TRPM3: variants seen among roughly 807,000 people sequenced by gnomAD.
The protein encoded by TRPM3 is transient receptor potential cation channel subfamily M member 3.
In TRPM3, 77 loss-of-function variants were observed where a neutral mutation model predicts 181.2. The observed-to-expected ratio is 0.42, with a 90% CI of 0.35 to 0.51. TRPM3 has a LOEUF of 0.51. Among genes scored for constraint, TRPM3 ranks in the 20% least tolerant of loss-of-function variants. The pLI, the probability that TRPM3 is intolerant of heterozygous loss-of-function variation, is 0.01. For synonymous variants in TRPM3, 745 were observed against 796.4 expected (o/e 0.94, Z 1.09); for missense variants, 1,759 against 2,196.7 (o/e 0.80, Z 3.98).
intron 1 of TRPM3, among the ~76,000 whole-genome samples, chr9:71,367,525 C>T (rs2092373813): frequency 6.6e-6 from 1 of 152,042 alleles, no homozygotes; most frequent in African/African-American, 2.4e-5. Context: ...AATAAGGTCA[C>T]GTAGCAGAAA....
intron 2 of TRPM3, among the ~76,000 whole-genome samples, chr9:70,864,051 A>G (rs902080968): frequency 1.3e-5 from 2 of 152,082 alleles, no homozygotes; most frequent in African/African-American, 4.8e-5. Context: ...TTAGTTAGGA[A>G]TCTGCTAGGA....
At chr9:70,598,695 G>T (rs777499866) in intron 20 of TRPM3, 25 bp from the exon 21 acceptor site, 8 of 1,600,918 alleles carry the variant, frequency 5.0e-6, no homozygotes, top group Non-Finnish European at 1.7e-6. Context: ...GGAGAGCAGA[G>T]TTAGGTCTGG....
intron 1 of TRPM3, among the ~76,000 whole-genome samples, chr9:71,278,788 AATG>A (rs2132174679): frequency 6.6e-6 from 1 of 152,274 alleles, no homozygotes; most frequent in South Asian, 2.1e-4. Context: ...ACAGAGGGTT[AATG>A]ATGACATATT....
intron 1 of TRPM3, among the ~76,000 whole-genome samples, chr9:71,287,073 T>C (rs2871376): frequency 0.22 from 30,810 of 141,734 alleles, 3,746 homozygotes; most frequent in African/African-American, 0.3. Context: ...ATTTATATAT[T>C]ATATATAAAT....
chr9:71,224,750 C>A, intron 1 of TRPM3, among the ~76,000 whole-genome samples: 1 of 150,258 alleles, frequency 6.7e-6, no homozygotes, highest in Non-Finnish European at 1.5e-5. Flanking sequence ...TTGAAAAATG[C>A]AACTGGAGAC....
intron 1 of TRPM3, among the ~76,000 whole-genome samples, chr9:71,014,112 T>C (rs2097766370): frequency 6.6e-6 from 1 of 152,012 alleles, no homozygotes; most frequent in African/African-American, 2.4e-5. Flanking sequence ...GATTCAGATA[T>C]ATAGTGTTTT....
At chr9:70,998,830 C>T (rs967634522) in intron 1 of TRPM3, among the ~76,000 whole-genome samples, 9 of 152,156 alleles carry the variant, frequency 5.9e-5, no homozygotes, top group Non-Finnish European at 1.2e-4. Flanking sequence ...ACTGCATTTA[C>T]GTTTATTTTG....
At position 71,186,842 on chromosome 9, in the gene TRPM3, C is replaced by T. The variant is rs562235178; in HGVS notation, c.183+259811G>A. 2.6e-5 allele frequency among the ~76,000 whole-genome samples: 4 copies of T among 152,016 alleles called. No individual in the cohort carries two copies. The South Asian group carries it at 8.3e-4, about 32-fold the overall frequency. On this transcript the variant is annotated intron_variant, in intron 1 of 24. Transcript: ENST00000357533. Reference sequence around the variant, plus strand: ...TGCTTTGTACATGAAGATGAGCTAGCAAAAAGTCTCTCGTTATGTCAACTC... The same window carrying T: ...TGCTTTGTACATGAAGATGAGCTAGTAAAAAGTCTCTCGTTATGTCAACTC...
chr9:71,073,367 G>A lies in TRPM3; in HGVS notation c.177+47811C>T, dbSNP rs569445677. Among the ~76,000 whole-genome samples the A allele has an allele frequency of 9.8e-4, 149 of 152,188 alleles. 1 individual carries two copies. Among genetic ancestry groups the A allele is most frequent in the African/African-American group, 3.3e-3 (137 of 41,524 alleles). On this transcript the variant is annotated intron_variant, in intron 1 of 25. Coordinates refer to ENST00000677713, the MANE Select transcript of TRPM3 (RefSeq NM_001366145.2). Reference sequence around the variant, plus strand: ...CCAAAAGGAAAGTAGGACATGTGACGGTTCAAACTACATAGTAAAAGGAAG... The same window carrying A: ...CCAAAAGGAAAGTAGGACATGTGACAGTTCAAACTACATAGTAAAAGGAAG...
At chr9:71,030,438 G>A (rs887539678) in intron 1 of TRPM3, among the ~76,000 whole-genome samples, 6 of 151,930 alleles carry the variant, frequency 3.9e-5, no homozygotes, top group African/African-American at 1.5e-4. Flanking sequence ...GGTGGCTGAT[G>A]CCTGTAATTC....
chr9:70,775,499 C>G (rs2081178026), intron 7 of TRPM3: 3 of 152,130 alleles, frequency 2.0e-5, no homozygotes, highest in Non-Finnish European at 4.4e-5. Context: ...TACAGTGGAT[C>G]TTGAGTCCAA....
chr9:71,027,550 G>A (rs2056726357), intron 1 of TRPM3, among the ~76,000 whole-genome samples: 1 of 152,112 alleles, frequency 6.6e-6, no homozygotes, highest in African/African-American at 2.4e-5. Flanking sequence ...TCCAATGTAA[G>A]GAAGCTAAGA....
chr9:70,538,522 A>G (rs1376809170), intron 25 of TRPM3, among the ~76,000 whole-genome samples: 1 of 152,150 alleles, frequency 6.6e-6, no homozygotes, highest in Non-Finnish European at 1.5e-5. Flanking sequence ...TCAACCTCCC[A>G]GACTCAAGCG....
intron 1 of TRPM3, among the ~76,000 whole-genome samples, chr9:70,970,599 C>T (rs532327521): frequency 6.6e-6 from 1 of 152,256 alleles, no homozygotes; most frequent in South Asian, 2.1e-4. Context: ...AGCTTCACAT[C>T]AATGTCCTGA....
chr9:70,591,088 T>C lies in TRPM3; in HGVS notation c.3166A>G (p.Ile1056Val). The change falls in exon 22 of 26, where the codon ATC becomes GTC. Residue 1056 changes from isoleucine (I) to valine (V), a missense_variant. Coordinates refer to ENST00000677713, the MANE Select transcript of TRPM3 (RefSeq NM_001366145.2). ...EEPSWKLAKN[I>V]FYMPYWMIYG... ...ATCATCCAATAGGGCATGTAGAAGA[T>C]GTTCTTGGCCAGTTTCCATGATGGC... 6.2e-7 allele frequency: 1 copy of C among 1,614,138 alleles called. No individual in the cohort carries two copies. The highest frequency in any genetic ancestry group is 8.5e-7 in the Non-Finnish European group (1 of 1,180,008).
At chr9:70,946,860 T>C (rs1415650564) in intron 1 of TRPM3, among the ~76,000 whole-genome samples, 2 of 152,208 alleles carry the variant, frequency 1.3e-5, no homozygotes, top group Non-Finnish European at 2.9e-5. Context: ...TCTTGCCTCT[T>C]CCACTCAACA....
chr9:70,993,109 C>A (rs531250058), intron 1 of TRPM3, among the ~76,000 whole-genome samples: 3 of 152,232 alleles, frequency 2.0e-5, no homozygotes, highest in South Asian at 4.2e-4. Context: ...GAGCTGGTAC[C>A]ATATTGTAGG....
At chr9:71,361,643 G>A (rs1288997322) in intron 1 of TRPM3, among the ~76,000 whole-genome samples, 1 of 152,154 alleles carries the variant, frequency 6.6e-6, no homozygotes, top group African/African-American at 2.4e-5. Context: ...GGACTAGATT[G>A]CATATTTATC....
intron 1 of TRPM3, among the ~76,000 whole-genome samples, chr9:71,266,116 A>C (rs75268000): frequency 0.011 from 1,648 of 152,288 alleles, 27 homozygotes; most frequent in East Asian, 0.075. Flanking sequence ...CCAGAATCCT[A>C]AGAAGTTTCT....
Sources: gnomAD v4.1 joint callset for allele counts (sites outside exome capture counted in the v4.1 genomes callset) on GRCh38, gnomAD v4.1.1 for gene constraint, MANE v1.5 for transcripts, NCBI Gene and HGNC (gene_info 2026-07-23, HGNC 2026-07-21) for gene names.